Variants in NLRP5 observed in about 807,000 individuals in gnomAD.
NLRP5 encodes the protein NLR family pyrin domain containing 5, also known as NACHT, LRR and PYD domains-containing protein 5.
Under a neutral mutation model 113.1 loss-of-function variants are expected in NLRP5, and 93 were observed. The observed-to-expected ratio is 0.82, with a 90% confidence interval of 0.70 to 0.98. NLRP5 has a LOEUF of 0.98. Ranked by LOEUF, NLRP5 falls within the 50% of genes least tolerant of loss-of-function variation. The pLI is 0.00. For missense variants in NLRP5, 1,808 were observed against 1,514.3 expected (o/e 1.19, Z -3.22); for synonymous variants, 751 against 600.7 (o/e 1.25, Z -3.66).
rs749295588 is a variant in NLRP5, at chr19:56,003,772, T to TC, written c.124dup (p.Gln42ProfsTer30). 2.5e-6 allele frequency: 4 copies of TC among 1,613,664 alleles called. No individual in the cohort carries two copies. The highest frequency in any genetic ancestry group is 1.1e-5 in the South Asian group (1 of 91,042). ...TCTATATTACCAAAGAATCCACTTTTCCCCCAAAACCTGAGCTCTCAGCCT... is the reference window on the plus strand; with the variant it reads ...TCTATATTACCAAAGAATCCACTTTTCCCCCCAAAACCTGAGCTCTCAGCCT... On this transcript the variant is annotated frameshift_variant, in exon 2 of 15. Coordinates refer to ENST00000390649, the MANE Select transcript of NLRP5 (RefSeq NM_153447.4). LOFTEE classifies it high-confidence loss of function.
chr19:56,058,390 G>A lies in NLRP5; in HGVS notation c.3450G>A (p.Thr1150=), dbSNP rs376501237. 4.5e-5 allele frequency: 73 copies of A among 1,613,330 alleles called. No individual in the cohort carries two copies. Among genetic ancestry groups the A allele is most frequent in the African/African-American group, 6.7e-5 (5 of 74,908 alleles). ...TGTGTTCGGCCTTTGCCTGTCCCAC[G>A]TCTAACTTACAGATAATTGGGTAAG... Residue 1150 remains threonine (T), a synonymous_variant, in exon 14 of 15, where the codon ACG becomes ACA. Coordinates refer to ENST00000390649, the MANE Select transcript of NLRP5 (RefSeq NM_153447.4).
intron 11 of NLRP5, among the ~76,000 whole-genome samples, chr19:56,045,091 G>T (rs548512192): frequency 6.6e-6 from 1 of 152,316 alleles, no homozygotes; most frequent in Non-Finnish European, 1.5e-5. Context: ...TATTTTATCA[G>T]TTCTAGGAGC....
rs145403488 is a variant in NLRP5 at position 56,056,547 on chromosome 19, A to G, written c.3300-1693A>G. 9.1e-3 allele frequency among the ~76,000 whole-genome samples: 1,391 copies of G among 152,032 alleles called. 16 individuals carry two copies. Among genetic ancestry groups the G allele is most frequent in the South Asian group, 0.039 (187 of 4,810 alleles). ...ACTCCAGCCTGGGCAACAGAGCGAG[A>G]CTCTATTTCTAAAAAACAAAAGCAT... On this transcript the variant is annotated intron_variant, in intron 13 of 14. Coordinates refer to ENST00000390649, the MANE Select transcript of NLRP5 (RefSeq NM_153447.4).
At position 56,028,559 on chromosome 19, in the gene NLRP5, C is replaced by G. The variant is rs147293535; in HGVS notation, c.2276+50C>G. The stretch of plus-strand genomic sequence containing the variant: ...CTATGCCGTGTGCTGAGCTCTGTGT[C>G]TCTACTGCTGGGACTTGACATGACT... On this transcript the variant is annotated intron_variant, in intron 7 of 14. Coordinates refer to ENST00000390649, the MANE Select transcript of NLRP5 (RefSeq NM_153447.4). The G allele has an allele frequency of 2.5e-4, 387 of 1,528,108 alleles. 5 individuals carry two copies. The East Asian group carries it at 5.7e-3, about 22-fold the overall frequency. 94.7% of individuals were successfully genotyped at this position (1,528,108 alleles called of 1,614,324 possible). A position where few individuals can be genotyped will look rare whatever the true frequency, so the allele number is the denominator to read the frequency against.
At chr19:56,024,505 A>ATG (rs905916323) in intron 6 of NLRP5, among the ~76,000 whole-genome samples, 1 of 110,158 alleles carries the variant, frequency 9.1e-6, no homozygotes, top group Admixed American at 9.5e-5. Flanking sequence ...ACATATGTAT[A>ATG]TGTATATGTG....
the NLRP5 span, among the ~76,000 whole-genome samples, chr19:55,993,679 A>G: frequency 7.4e-6 from 1 of 134,314 alleles, no homozygotes; most frequent in African/African-American, 2.9e-5. Context: ...CCATAGTCCC[A>G]TTTGCTCAAT....
intron 9 of NLRP5, among the ~76,000 whole-genome samples, chr19:56,037,139 A>G (rs1018051952): frequency 1.3e-5 from 2 of 152,122 alleles, no homozygotes; most frequent in African/African-American, 4.8e-5. Flanking sequence ...TTCGGTTAAC[A>G]GGGAATTAAG....
At chr19:55,991,113 G>A in the NLRP5 span, among the ~76,000 whole-genome samples, 3 of 151,860 alleles carry the variant, frequency 2.0e-5, 1 homozygote, top group Admixed American at 2.0e-4. Context: ...TTAAAGATTT[G>A]TTTGTTTTTC....
intron 7 of NLRP5, 27 bp from the exon 8 acceptor site, chr19:56,032,584 C>T (rs780532279): frequency 6.3e-7 from 1 of 1,599,152 alleles, no homozygotes; most frequent in East Asian, 2.2e-5. Flanking sequence ...ATCCCATGAG[C>T]CCATGTTTCT....
intron 11 of NLRP5, among the ~76,000 whole-genome samples, chr19:56,049,088 TCTC>T (rs1432945483): frequency 6.7e-6 from 1 of 149,248 alleles, no homozygotes; most frequent in Admixed American, 6.7e-5. Flanking sequence ...CTCAAGCAAT[TCTC>T]CTGCCTCAGC....
At chr19:56,022,618 CTCA>C (rs1422363595) in intron 6 of NLRP5, among the ~76,000 whole-genome samples, 1 of 152,160 alleles carries the variant, frequency 6.6e-6, no homozygotes, top group Non-Finnish European at 1.5e-5. Flanking sequence ...AAACAATGAG[CTCA>C]TCATCTGCTC....
intron 11 of NLRP5, 75 bp from the exon 12 acceptor site, chr19:56,050,343 G>A (rs1983885011): frequency 7.2e-7 from 1 of 1,396,598 alleles, no homozygotes; most frequent in South Asian, 1.3e-5. Context: ...CAGCTGGGAG[G>A]AGAGCAGCAG....
chr19:56,034,817 CGTT>C (rs1035342561), intron 9 of NLRP5, among the ~76,000 whole-genome samples: 5 of 151,954 alleles, frequency 3.3e-5, no homozygotes, highest in Non-Finnish European at 1.5e-5. Flanking sequence ...TCCAGGGACA[CGTT>C]GGTTGGTTGG....
rs1294286925 is a variant in NLRP5 at position 56,026,905 on chromosome 19, G to A, written c.680-8G>A. On this transcript the variant is annotated splice_region_variant and splice_polypyrimidine_tract_variant and intron_variant, in intron 6 of 14. Coordinates refer to ENST00000390649, the MANE Select transcript of NLRP5 (RefSeq NM_153447.4). ...TCCTGATTTTCATTCTACCCTCTCT[G>A]ACTCCAGGACATGGAGGTGACACAT... is the stretch of plus-strand genomic sequence containing the variant. 6.5e-7 allele frequency: 1 copy of A among 1,547,746 alleles called. No homozygotes were observed. Among genetic ancestry groups the A allele is most frequent in the African/African-American group, 1.4e-5 (1 of 73,086 alleles).
intron 11 of NLRP5, among the ~76,000 whole-genome samples, chr19:56,043,367 C>T (rs1002359286): frequency 6.6e-6 from 1 of 151,822 alleles, no homozygotes; most frequent in African/African-American, 2.4e-5. Flanking sequence ...TGATGTTGAG[C>T]CTTTTTCATA....
Position 56,013,359 on chromosome 19 carries a change from A to AT in NLRP5, c.509-2377dup, listed in dbSNP as rs919110819. Among the ~76,000 whole-genome samples the AT allele has an allele frequency of 1.0e-3, 153 of 151,822 alleles. 2 individuals carry two copies. Among genetic ancestry groups the AT allele is most frequent in the African/African-American group, 3.3e-3 (135 of 41,408 alleles). On this transcript the variant is annotated intron_variant, in intron 3 of 14. Coordinates refer to ENST00000390649, the MANE Select transcript of NLRP5 (RefSeq NM_153447.4). Reference sequence around the variant, plus strand: ...AGGTGCCTACCACTACACCCAGCTAATTTTTTGTATTTTCAGTAGAGACGG... The same window carrying AT: ...AGGTGCCTACCACTACACCCAGCTAATTTTTTTGTATTTTCAGTAGAGACGG...
intron 8 of NLRP5, among the ~76,000 whole-genome samples, chr19:56,033,128 G>A (rs938051109): frequency 6.6e-6 from 1 of 152,162 alleles, no homozygotes; most frequent in African/African-American, 2.4e-5. Context: ...GTACGTGCCT[G>A]TAATCCCAGC....
At position 56,061,392 on chromosome 19, in the gene NLRP5, C is replaced by T. The variant is rs745519273; in HGVS notation, c.3471-4C>T. On this transcript the variant is annotated splice_region_variant and splice_polypyrimidine_tract_variant and intron_variant, in intron 14 of 14. Coordinates refer to ENST00000390649, the MANE Select transcript of NLRP5 (RefSeq NM_153447.4). ...AGTAACGAGTCCTCTCTCTGCCTCC[C>T]CAGGCTGTGGAAATGGCAGTACCCT... is the stretch of plus-strand genomic sequence containing the variant. The T allele has an allele frequency of 1.2e-6, 2 of 1,613,594 alleles. No individual in the cohort carries two copies. The highest frequency in any genetic ancestry group is 1.7e-6 in the Non-Finnish European group (2 of 1,179,670).
At chr19:56,060,812 A>C (rs147865058) in intron 14 of NLRP5, among the ~76,000 whole-genome samples, 54 of 152,212 alleles carry the variant, frequency 3.5e-4, no homozygotes, top group African/African-American at 1.3e-3. Flanking sequence ...CTAGAGGCCA[A>C]TACTGTGACA....
Sources: allele counts gnomAD v4.1 joint callset (sites outside exome capture counted in the v4.1 genomes callset), GRCh38; gene constraint gnomAD v4.1.1; transcripts MANE v1.5; gene names NCBI Gene and HGNC (gene_info 2026-07-23, HGNC 2026-07-21).